Variants in PTPRM observed in about 807,000 individuals in gnomAD.
PTPRM encodes the protein protein tyrosine phosphatase receptor type M.
PTPRM carries 47 observed loss-of-function variants against 186.7 expected under a neutral mutation model. The ratio of observed to expected loss-of-function variants is 0.25; its 90% CI spans 0.20 to 0.32. The LOEUF (loss-of-function observed/expected upper bound fraction) is 0.32, where lower values mean the gene tolerates loss of function less well. Ranked by LOEUF, PTPRM falls within the 10% of genes least tolerant of loss-of-function variation. The pLI, the probability that PTPRM is intolerant of heterozygous loss-of-function variation, is 1.00. For synonymous variants in PTPRM, 668 were observed against 674.9 expected (o/e 0.99, Z 0.16); for missense variants, 1,494 against 1,865.0 (o/e 0.80, Z 3.66).
At chr18:7,710,808 A>G (rs1056769790) in intron 1 of PTPRM, among the ~76,000 whole-genome samples, 6 of 150,210 alleles carry the variant, frequency 4.0e-5, no homozygotes, top group African/African-American at 1.5e-4. Flanking sequence ...AGCTACCAAT[A>G]AAGTAAAATA....
At chr18:7,726,754 G>A (rs1481390829) in intron 1 of PTPRM, among the ~76,000 whole-genome samples, 2 of 152,134 alleles carry the variant, frequency 1.3e-5, no homozygotes, top group Non-Finnish European at 2.9e-5. Flanking sequence ...CCTATTTTGG[G>A]TACATTGAGG....
At chr18:7,783,760 GTGTGTGTGTGTGTA>G (rs1463939883) in intron 2 of PTPRM, among the ~76,000 whole-genome samples, 1 of 151,066 alleles carries the variant, frequency 6.6e-6, no homozygotes, top group African/African-American at 2.4e-5. Flanking sequence ...GTGTGTGTGT[GTGTGTGTGTGTGTA>G]TGTGTGTGTG....
At chr18:7,852,384 C>G (rs1178230839) in intron 2 of PTPRM, among the ~76,000 whole-genome samples, 2 of 151,852 alleles carry the variant, frequency 1.3e-5, no homozygotes, top group Non-Finnish European at 2.9e-5. Context: ...CAAGACCATC[C>G]TGGGCAACAA....
chr18:8,299,207 TGTACCCGTTGCTC>T (rs1392624328), intron 20 of PTPRM, among the ~76,000 whole-genome samples: 2 of 152,230 alleles, frequency 1.3e-5, no homozygotes, highest in Non-Finnish European at 2.9e-5. Flanking sequence ...ATTCTGTTCC[TGTACCCGTTGCTC>T]GTCACAGCTG....
chr18:7,984,384 T>C (rs893440030), intron 7 of PTPRM, among the ~76,000 whole-genome samples: 22 of 151,896 alleles, frequency 1.4e-4, no homozygotes, highest in Admixed American at 2.6e-4. Context: ...TCCCAAGTGT[T>C]TCCTGACTCC....
intron 13 of PTPRM, among the ~76,000 whole-genome samples, chr18:8,126,261 G>T (rs919894005): frequency 6.6e-6 from 1 of 150,938 alleles, no homozygotes. Context: ...AGTAAATTTT[G>T]ATTGAGGGGA....
intron 1 of PTPRM, among the ~76,000 whole-genome samples, chr18:7,606,047 A>G (rs2037524190): frequency 6.6e-6 from 1 of 152,140 alleles, no homozygotes; most frequent in Admixed American, 6.5e-5. Flanking sequence ...ACTGGTCTGC[A>G]GGACCAGGCA....
chr18:8,188,528 G>T (rs997291430), intron 14 of PTPRM, among the ~76,000 whole-genome samples: 5 of 152,152 alleles, frequency 3.3e-5, no homozygotes, highest in Admixed American at 6.5e-5. Flanking sequence ...GTGACGAAAC[G>T]CACATAGAGC....
Position 7,949,161 on chromosome 18 carries a change from C to G in PTPRM, c.664-20C>G, listed in dbSNP as rs878899019. ...AGCTTATATTGCTTCTTTTTGTCCT[C>G]CCCACCCCACTTGATACAGGGCATT... is the stretch of plus-strand genomic sequence containing the variant. On this transcript the variant is annotated intron_variant, in intron 5 of 32. Coordinates refer to ENST00000580170, the MANE Select transcript of PTPRM (RefSeq NM_001105244.2). 11 of 1,569,466 alleles carry G rather than the reference C, an allele frequency of 7.0e-6. No homozygotes were observed. The highest frequency in any genetic ancestry group is 9.6e-6 in the Non-Finnish European group (11 of 1,144,684).
At chr18:8,267,972 C>T (rs2094722649) in intron 19 of PTPRM, among the ~76,000 whole-genome samples, 1 of 152,124 alleles carries the variant, frequency 6.6e-6, no homozygotes, top group Non-Finnish European at 1.5e-5. Flanking sequence ...TTATTTGTCT[C>T]CTACTAATGT....
At chr18:8,375,916 C>T (rs2095691837) in intron 24 of PTPRM, 130 bp from the exon 25 acceptor site, 1 of 965,282 alleles carries the variant, frequency 1.0e-6, no homozygotes, top group African/African-American at 1.6e-5. Context: ...CCTCTTTCCC[C>T]AGCAGTCCAC....
intron 7 of PTPRM, among the ~76,000 whole-genome samples, chr18:8,054,058 G>T (rs2087710908): frequency 6.6e-6 from 1 of 151,806 alleles, no homozygotes; most frequent in South Asian, 2.1e-4. Context: ...CACATTGTCT[G>T]TGTATAATTA....
chr18:7,972,363 A>G (rs2054588217), intron 7 of PTPRM, among the ~76,000 whole-genome samples: 1 of 129,908 alleles, frequency 7.7e-6, no homozygotes, highest in Non-Finnish European at 1.5e-5. Context: ...CTAATGCTAG[A>G]TGACGATTTA....
intron 7 of PTPRM, chr18:7,995,486 A>C (rs1174502484): frequency 6.6e-6 from 1 of 152,218 alleles, no homozygotes; most frequent in African/African-American, 2.4e-5. Context: ...AGACAACTAC[A>C]GGCATCATCA....
intron 14 of PTPRM, among the ~76,000 whole-genome samples, chr18:8,171,043 G>A (rs1372032182): frequency 1.3e-5 from 2 of 152,218 alleles, no homozygotes; most frequent in South Asian, 2.1e-4. Flanking sequence ...TGAGGGCTAA[G>A]AGATGAGGGT....
chr18:7,723,785 G>C (rs549269759), intron 1 of PTPRM, among the ~76,000 whole-genome samples: 1 of 152,112 alleles, frequency 6.6e-6, no homozygotes, highest in Non-Finnish European at 1.5e-5. Context: ...CTGGGGGCGC[G>C]GGCTGGGAGA....
chr18:8,324,440 C>G (rs1392170224), intron 22 of PTPRM, among the ~76,000 whole-genome samples: 1 of 152,188 alleles, frequency 6.6e-6, no homozygotes, highest in African/African-American at 2.4e-5. Flanking sequence ...AATGCTCTCT[C>G]TGAATGACAG....
intron 4 of PTPRM, among the ~76,000 whole-genome samples, chr18:7,916,695 A>G (rs2050579735): frequency 6.6e-6 from 1 of 152,242 alleles, no homozygotes; most frequent in East Asian, 1.9e-4. Flanking sequence ...TATGAGGTAT[A>G]GAGTGATATT....
intron 9 of PTPRM, among the ~76,000 whole-genome samples, chr18:8,079,915 C>A (rs933274714): frequency 5.9e-5 from 9 of 151,862 alleles, no homozygotes; most frequent in Admixed American, 2.0e-4. Context: ...TATATAGAGA[C>A]CTGCTACGTA....
Sources: gnomAD v4.1 joint callset for allele counts (sites outside exome capture counted in the v4.1 genomes callset) on GRCh38, gnomAD v4.1.1 for gene constraint, MANE v1.5 for transcripts, NCBI Gene and HGNC (gene_info 2026-07-23, HGNC 2026-07-21) for gene names.